The following TTLL10 variants were observed in gnomAD, a reference collection of about 807,000 sequenced individuals.
TTLL10 encodes the protein inactive polyglycylase TTLL10.
TTLL10 carries 61 observed loss-of-function variants against 69.0 expected under a neutral mutation model. The ratio of observed to expected loss-of-function variants is 0.88; its 90% CI spans 0.72 to 1.09. The LOEUF (loss-of-function observed/expected upper bound fraction) is 1.09, where lower values mean the gene tolerates loss of function less well. Among genes scored for constraint, TTLL10 ranks in the 50% least tolerant of loss-of-function variants. TTLL10 has a pLI of 0.00. For synonymous variants in TTLL10, 408 were observed against 393.3 expected (o/e 1.04, Z -0.44); for missense variants, 962 against 945.9 (o/e 1.02, Z -0.22).
chr1:1,183,887 C>A, intron 11 of TTLL10, 33 bp from the exon 12 acceptor site: 1 of 1,612,876 alleles, frequency 6.2e-7, no homozygotes, highest in Non-Finnish European at 8.5e-7. Context: ...GGCCCCGTGG[C>A]TCAGCCCAGC....
Position 1,174,446 on chromosome 1 carries a change from T to G in TTLL10, c.-71T>G, listed in dbSNP as rs1646819444. Reference sequence around the variant, plus strand: ...CAGGTTTAAAAGTCTCTTCTGTTCATCCTACCGGGGTGCCGTCTCCTGCCG... The same window carrying G: ...CAGGTTTAAAAGTCTCTTCTGTTCAGCCTACCGGGGTGCCGTCTCCTGCCG... On this transcript the variant is annotated 5_prime_UTR_variant, in exon 3 of 16. Coordinates refer to ENST00000379289, the MANE Select transcript of TTLL10 (RefSeq NM_001130045.2). The G allele has an allele frequency of 6.6e-6, 1 of 152,498 alleles. No individual in the cohort carries two copies. The highest frequency in any genetic ancestry group is 2.4e-5 in the African/African-American group (1 of 41,476). 9.4% of individuals were successfully genotyped at this position (152,498 alleles called of 1,614,324 possible).
At chr1:1,188,716 T>G (rs2100903977) in intron 13 of TTLL10, among the ~76,000 whole-genome samples, 1 of 152,294 alleles carries the variant, frequency 6.6e-6, no homozygotes, top group East Asian at 1.9e-4. Flanking sequence ...CATCGAAATT[T>G]TAATAGGCAT....
In TTLL10 at chr1:1,197,472, C is replaced by A. The variant is rs1298486951; in HGVS notation, c.1647C>A (p.Arg549=). 4 of 1,545,712 alleles carry A rather than the reference C, an allele frequency of 2.6e-6. No homozygotes were observed. The highest frequency in any genetic ancestry group is 3.5e-6 in the Non-Finnish European group (4 of 1,145,716). The change falls in exon 16 of 16, where the codon CGC becomes CGA. Residue 549 remains arginine (R), a synonymous_variant. Transcript: ENST00000379289. ...LVLETFRKSL[R]GQKMLPLLSQ... is the part of the protein sequence containing the mutation. ...TCGAGACCTTCCGGAAGAGCCTGCG[C>A]GGCCAGAAGATGTTGCCTCTGCTGT...
intron 13 of TTLL10, among the ~76,000 whole-genome samples, chr1:1,186,103 T>C (rs1220153878): frequency 2.6e-5 from 4 of 151,750 alleles, no homozygotes; most frequent in Non-Finnish European, 5.9e-5. Flanking sequence ...TTTTTTTTTT[T>C]TTTGAGACAG....
In TTLL10 at chr1:1,185,312, C is replaced by G. The variant is rs1003567811; in HGVS notation, c.1401+203C>G. 3 of 1,395,522 alleles carry G rather than the reference C, an allele frequency of 2.1e-6. No homozygotes were observed. The highest frequency in any genetic ancestry group is 2.8e-6 in the Non-Finnish European group (3 of 1,079,146). The allele number at this position is 1,395,522 out of a possible 1,614,324, so 86.4% of individuals were successfully genotyped here. On this transcript the variant is annotated intron_variant, in intron 13 of 15. Coordinates refer to ENST00000379289, the MANE Select transcript of TTLL10 (RefSeq NM_001130045.2). This position sits in a 1 kb window ranked among gnomAD's most constrained non-coding sequence, Gnocchi z 6.1. ...CTGTCCCCAGCAGCCAGCAAAGGCC[C>G]GGACGGAAAGCCCAGTCGGGGGTCT...
In TTLL10 at chr1:1,185,332, G is replaced by T; in HGVS notation, c.1401+223G>T. On this transcript the variant is annotated intron_variant, in intron 13 of 15. Coordinates refer to ENST00000379289, the MANE Select transcript of TTLL10 (RefSeq NM_001130045.2). The surrounding 1 kb of genome is among the most constrained non-coding windows in gnomAD (Gnocchi z 6.1). ...AGGCCCGGACGGAAAGCCCAGTCGG[G>T]GGTCTGTCGGCACGAGTCCCGCGGG... 7.2e-7 allele frequency: 1 copy of T among 1,383,896 alleles called. No homozygotes were observed. The highest frequency in any genetic ancestry group is 9.3e-7 in the Non-Finnish European group (1 of 1,073,500). 85.7% of individuals were successfully genotyped at this position (1,383,896 alleles called of 1,614,324 possible). A position where few individuals can be genotyped will look rare whatever the true frequency, so the allele number is the denominator to read the frequency against.
rs534930611 is a variant in TTLL10, at chr1:1,177,995, G to A, written c.-27-1194G>A. Reference sequence around the variant, plus strand: ...AGGACGGGTCCCAGTGGCCCCACCCGACTGGGTCATCGTGCAGACGGCTGC... The same window carrying A: ...AGGACGGGTCCCAGTGGCCCCACCCAACTGGGTCATCGTGCAGACGGCTGC... On this transcript the variant is annotated intron_variant, in intron 3 of 15. Transcript: ENST00000379289. Among the ~76,000 whole-genome samples the A allele has an allele frequency of 3.3e-5, 5 of 152,292 alleles. No homozygotes were observed. The East Asian group carries it at 5.8e-4, about 18-fold the overall frequency.
In TTLL10 at chr1:1,181,814, A is replaced by T. The variant is rs2100873533; in HGVS notation, c.829A>T (p.Arg277Trp). ...AAGCCCAGGATACCTCAGGCCACAG[A>T]GGTAGACTCAGCCCAGCTGTGAGGG... is the stretch of plus-strand genomic sequence containing the variant. ...WTSPGYLRPQ[R>W]VLRMEEFFPE... Residue 277 changes from arginine to tryptophan, a missense_variant and splice_region_variant, in exon 9 of 16, where the codon AGG becomes TGG. Arg to Trp is a moderately radical substitution (Grantham distance 101). Coordinates refer to ENST00000379289, the MANE Select transcript of TTLL10 (RefSeq NM_001130045.2). This position sits in a 1 kb window ranked among gnomAD's most constrained non-coding sequence, Gnocchi z 4.6. The T allele has an allele frequency of 6.2e-7, 1 of 1,604,190 alleles. No homozygotes were observed. Among genetic ancestry groups the T allele is most frequent in the East Asian group, 2.2e-5 (1 of 44,586 alleles).
chr1:1,181,777 C>T lies in TTLL10; in HGVS notation c.792C>T (p.Asp264=). Residue 264 remains aspartate (D), a synonymous_variant, in exon 9 of 16, where the codon GAC becomes GAT. Coordinates refer to ENST00000379289, the MANE Select transcript of TTLL10 (RefSeq NM_001130045.2). This position sits in a 1 kb window ranked among gnomAD's most constrained non-coding sequence, Gnocchi z 4.6. The part of the protein sequence containing the change: ...EKDAAAPALE[D]LPWTSPGYLR... ...ACGCAGCAGCGCCCGCCCTGGAGGA[C>T]CTCCCGTGGACAAGCCCAGGATACC... The T allele has an allele frequency of 1.2e-6, 2 of 1,609,230 alleles. No individual in the cohort carries two copies. Among genetic ancestry groups the T allele is most frequent in the South Asian group, 1.1e-5 (1 of 89,758 alleles).
intron 13 of TTLL10, among the ~76,000 whole-genome samples, chr1:1,190,086 T>A (rs1484117812): frequency 2.1e-5 from 3 of 145,200 alleles, no homozygotes; most frequent in Non-Finnish European, 3.0e-5. Context: ...CACTCCAGCC[T>A]GGGGGACAGA....
chr1:1,180,799 C>G lies in TTLL10; in HGVS notation c.694C>G (p.Leu232Val), dbSNP rs772565776. The G allele has an allele frequency of 4.4e-6, 7 of 1,605,448 alleles. No homozygotes were observed. Among genetic ancestry groups the G allele is most frequent in the Non-Finnish European group, 5.9e-6 (7 of 1,176,812 alleles). ...LTTKIGLLST[L>V]RGRARAMSKA... ...CACCAAGATCGGGCTGCTCAGCACC[C>G]TTCGGGGACGGGCACGGGCCATGAG... The change falls in exon 8 of 16, where the codon CTT becomes GTT. Residue 232 changes from leucine (L) to valine (V), a missense_variant. By Grantham distance (32) the Leu-to-Val change is conservative. Coordinates refer to ENST00000379289, the MANE Select transcript of TTLL10 (RefSeq NM_001130045.2).
At chr1:1,195,653 T>C (rs975386688) in intron 13 of TTLL10, among the ~76,000 whole-genome samples, 1 of 150,916 alleles carries the variant, frequency 6.6e-6, no homozygotes, top group African/African-American at 2.4e-5. Context: ...CCCATACTTC[T>C]TTTTTTTAGA....
chr1:1,192,342 G>T (rs1647860021), intron 13 of TTLL10, among the ~76,000 whole-genome samples: 1 of 150,472 alleles, frequency 6.6e-6, no homozygotes, highest in Non-Finnish European at 1.5e-5. Flanking sequence ...TAATTTTTGT[G>T]TAAAGTCTAT....
Position 1,194,714 on chromosome 1 carries a change from G to A in TTLL10, c.1402-1886G>A, listed in dbSNP as rs368489637. On this transcript the variant is annotated intron_variant, in intron 13 of 15. Coordinates refer to ENST00000379289, the MANE Select transcript of TTLL10 (RefSeq NM_001130045.2). Reference sequence around the variant, plus strand: ...TGTGGATGCCTCATACATAACGAGCGGCTTCTCTCCTGCTGATTTCGACGT... The same window carrying A: ...TGTGGATGCCTCATACATAACGAGCAGCTTCTCTCCTGCTGATTTCGACGT... Among the ~76,000 whole-genome samples the A allele has an allele frequency of 1.4e-4, 21 of 152,146 alleles. 1 individual carries two copies. Among genetic ancestry groups the A allele is most frequent in the Admixed American group, 5.2e-4 (8 of 15,278 alleles).
At chr1:1,178,525 C>T (rs988328121) in intron 3 of TTLL10, among the ~76,000 whole-genome samples, 5 of 151,316 alleles carry the variant, frequency 3.3e-5, no homozygotes, top group Non-Finnish European at 7.4e-5. Context: ...CGCCCCATTG[C>T]ACTCCAGCCT....
chr1:1,177,060 CTG>C (rs371602667), intron 3 of TTLL10, among the ~76,000 whole-genome samples: 103 of 143,668 alleles, frequency 7.2e-4, no homozygotes, highest in African/African-American at 6.4e-4. Context: ...GTGTGGGTGT[CTG>C]TGTGTGTGTG....
At chr1:1,179,119 C>T (rs1243695651) in intron 3 of TTLL10, 70 bp from the exon 4 acceptor site, 5 of 1,080,662 alleles carry the variant, frequency 4.6e-6, no homozygotes. Flanking sequence ...CTGCCTGCTC[C>T]ATCCAAGCAC....
At chr1:1,192,165 A>C (rs1647845491) in intron 13 of TTLL10, among the ~76,000 whole-genome samples, 1 of 152,220 alleles carries the variant, frequency 6.6e-6, no homozygotes, top group African/African-American at 2.4e-5. Context: ...TTACTCGTTA[A>C]TCTTCTGTCT....
In TTLL10 at chr1:1,183,023, G is replaced by A. The variant is rs772486594; in HGVS notation, c.1064G>A (p.Gly355Glu). 4 of 1,608,492 alleles carry A rather than the reference G, an allele frequency of 2.5e-6. No individual in the cohort carries two copies. Among genetic ancestry groups the A allele is most frequent in the African/African-American group, 1.3e-5 (1 of 74,786 alleles). ...DPIHHKTPFR[G>E]PQARVVQRYI... is the part of the protein sequence containing the mutation. Reference sequence around the variant, plus strand: ...ATCCACCACAAGACGCCGTTCCGGGGGCCTCAGGCGCGGGTGGTGCAGAGG... The same window carrying A: ...ATCCACCACAAGACGCCGTTCCGGGAGCCTCAGGCGCGGGTGGTGCAGAGG... The change falls in exon 11 of 16, where the codon GGG becomes GAG. Residue 355 changes from glycine to glutamate, a missense_variant. Physicochemically the swap from Gly to Glu is moderately conservative, Grantham distance 98. Transcript: ENST00000379289.
Sources: gnomAD v4.1 joint callset for allele counts (sites outside exome capture counted in the v4.1 genomes callset) on GRCh38, gnomAD v4.1.1 for gene constraint, Gnocchi (gnomAD v3.1) non-coding constraint, MANE v1.5 for transcripts, NCBI Gene and HGNC (gene_info 2026-07-23, HGNC 2026-07-21) for gene names.